Variants in CD99 observed in about 807,000 individuals in gnomAD.
The protein encoded by CD99 is CD99 molecule (Xg blood group).
A neutral mutation model predicts 28.4 loss-of-function variants in CD99; 19 were observed. That is an observed-to-expected ratio of 0.67 (90% CI 0.47 to 0.98). The LOEUF is 0.98. Among genes scored for constraint, CD99 ranks in the 50% least tolerant of loss-of-function variants. The pLI, the probability that CD99 is intolerant of heterozygous loss-of-function variation, is 0.00. For synonymous variants in CD99, 103 were observed against 92.1 expected, an observed-to-expected ratio of 1.12 and a Z score of -0.67; for missense variants, 283 against 248.8, an observed-to-expected ratio of 1.14 and a Z score of -0.92.
In CD99 at chrX:2,719,668, C is replaced by G. The variant is rs769537440; in HGVS notation, c.156C>G (p.Asp52Glu). Reference sequence around the variant, plus strand: ...CTCTTTCCCCTCTTTTAGGGGATGACTTTGACTTAGGAGATGCTGTTGTTG... The same window carrying G: ...CTCTTTCCCCTCTTTTAGGGGATGAGTTTGACTTAGGAGATGCTGTTGTTG... ...AIPKKPSAGD[D>E]FDLGDAVVDG... The change falls in exon 4 of 10, where the codon GAC becomes GAG. Residue 52 changes from aspartate to glutamate, a missense_variant. By Grantham distance (45) the Asp-to-Glu change is conservative (BLOSUM62 2). Transcript: ENST00000381192. 2.5e-6 allele frequency: 4 copies of G among 1,613,838 alleles called. No homozygotes were observed. In the South Asian group the frequency reaches 3.3e-5, roughly 13 times the overall value.
chrX:2,727,328 A>G (rs1350904038), intron 8 of CD99: 1 of 779,098 alleles, frequency 1.3e-6, no homozygotes, highest in African/African-American at 1.7e-5. Flanking sequence ...TTGTATTGGG[A>G]TCCGCCGTGA....
chrX:2,718,870 G>T (rs1468270625), intron 3 of CD99, among the ~76,000 whole-genome samples: 3 of 152,056 alleles, frequency 2.0e-5, no homozygotes, highest in Non-Finnish European at 4.4e-5. Context: ...TTCATTATTG[G>T]GCTTCCTGTC....
At chrX:2,696,982 C>T (rs1425514406) in intron 1 of CD99, among the ~76,000 whole-genome samples, 1 of 152,114 alleles carries the variant, frequency 6.6e-6, no homozygotes, top group Non-Finnish European at 1.5e-5. Flanking sequence ...TTCTTCTCCC[C>T]CAGAGTCAGA....
chrX:2,731,874 A>G (rs886443821), intron 8 of CD99, among the ~76,000 whole-genome samples: 5 of 151,992 alleles, frequency 3.3e-5, no homozygotes, highest in African/African-American at 9.7e-5. Flanking sequence ...GTGGAATCAG[A>G]TGGCTCTGTC....
At chrX:2,724,823 G>A (rs376289566) in intron 7 of CD99, among the ~76,000 whole-genome samples, 24 of 151,974 alleles carry the variant, frequency 1.6e-4, no homozygotes, top group South Asian at 2.1e-4. Context: ...GCTTGAACCC[G>A]GGAAGCAGAG....
intron 1 of CD99, among the ~76,000 whole-genome samples, chrX:2,702,028 T>G (rs1266420779): frequency 7.9e-5 from 12 of 152,100 alleles, no homozygotes; most frequent in Non-Finnish European, 1.6e-4. Context: ...CATCAGGACT[T>G]AGGAAAACCC....
chrX:2,703,605 A>AGTGTGTGTGTGTGT lies in CD99; in HGVS notation c.68-10784_68-10771dup, dbSNP rs556444956. On this transcript the variant is annotated intron_variant, in intron 1 of 9. Transcript: ENST00000381192. ...CTGTAATTAACAAACCGAGCTGTTA[A>AGTGTGTGTGTGTGT]GTGTGTGTGTGTGTGTGTGTGTGTG... Among the ~76,000 whole-genome samples the AGTGTGTGTGTGTGT allele has an allele frequency of 5.6e-3, 770 of 138,470 alleles. 9 individuals are homozygous for AGTGTGTGTGTGTGT. Among genetic ancestry groups the AGTGTGTGTGTGTGT allele is most frequent in the African/African-American group, 0.019 (694 of 37,342 alleles). 90.8% of individuals were successfully genotyped at this position (138,470 alleles called of 152,430 possible). A position where few individuals can be genotyped will look rare whatever the true frequency, so the allele number is the denominator to read the frequency against.
intron 1 of CD99, among the ~76,000 whole-genome samples, chrX:2,709,485 G>A (rs1219057820): frequency 6.6e-6 from 1 of 152,216 alleles, no homozygotes; most frequent in African/African-American, 2.4e-5. Flanking sequence ...GCAAACAGGT[G>A]TGCATTCAGC....
At chrX:2,715,930 C>G (rs995487372) in intron 2 of CD99, among the ~76,000 whole-genome samples, 1 of 152,238 alleles carries the variant, frequency 6.6e-6, no homozygotes, top group African/African-American at 2.4e-5. Context: ...CTGCAAAGAC[C>G]CTGTTTCCAA....
At chrX:2,705,486 A>G (rs865954528) in intron 1 of CD99, among the ~76,000 whole-genome samples, 79 of 152,358 alleles carry the variant, frequency 5.2e-4, no homozygotes, top group African/African-American at 1.9e-3. Flanking sequence ...TGACAAATAC[A>G]CATTGTATGT....
At chrX:2,732,963 C>T (rs1431447427) in intron 8 of CD99, among the ~76,000 whole-genome samples, 1 of 148,146 alleles carries the variant, frequency 6.8e-6, no homozygotes, top group Non-Finnish European at 1.5e-5. Context: ...CCCTCCCTCC[C>T]TCATTTCCTT....
chrX:2,720,496 G>C (rs1324419779), intron 5 of CD99, 72 bp downstream of exon 5: 3 of 1,444,522 alleles, frequency 2.1e-6, no homozygotes, highest in Non-Finnish European at 2.9e-6. Flanking sequence ...CAGCTGAGAG[G>C]AGGTGATTTC....
chrX:2,717,591 T>A lies in CD99; in HGVS notation c.101-14T>A. On this transcript the variant is annotated splice_polypyrimidine_tract_variant and intron_variant, in intron 2 of 9. Transcript: ENST00000381192. ...GCTGCAACTTTTACTAACTGAAATA[T>A]CTTATCTCTTTAGACAATGAAAACA... is the stretch of plus-strand genomic sequence containing the variant. 1 of 1,610,550 alleles carries A rather than the reference T, an allele frequency of 6.2e-7. No homozygotes were observed. The highest frequency in any genetic ancestry group is 8.5e-7 in the Non-Finnish European group (1 of 1,176,734).
chrX:2,715,954 T>C (rs2048687290), intron 2 of CD99, among the ~76,000 whole-genome samples: 1 of 152,132 alleles, frequency 6.6e-6, no homozygotes, highest in Non-Finnish European at 1.5e-5. Context: ...AGATCACCTA[T>C]TGAGGTTTGG....
At chrX:2,725,908 C>T (rs2049257041) in intron 7 of CD99, among the ~76,000 whole-genome samples, 1 of 152,162 alleles carries the variant, frequency 6.6e-6, no homozygotes, top group Non-Finnish European at 1.5e-5. Flanking sequence ...CCACCACGCC[C>T]AGCCCCAGCT....
chrX:2,716,176 G>T (rs939983809), intron 2 of CD99, among the ~76,000 whole-genome samples: 14 of 151,922 alleles, frequency 9.2e-5, no homozygotes, highest in African/African-American at 3.4e-4. Flanking sequence ...GCACCACCAT[G>T]CCTAGCTAGT....
At chrX:2,728,384 T>G (rs2049409007) in intron 8 of CD99, among the ~76,000 whole-genome samples, 1 of 151,740 alleles carries the variant, frequency 6.6e-6, no homozygotes, top group African/African-American at 2.4e-5. Flanking sequence ...TTAGTAGAGA[T>G]GGAGTTTCGT....
At chrX:2,709,323 C>T (rs1393295985) in intron 1 of CD99, among the ~76,000 whole-genome samples, 1 of 146,860 alleles carries the variant, frequency 6.8e-6, no homozygotes, top group Non-Finnish European at 1.5e-5. Flanking sequence ...CATACTCCTG[C>T]AGTGCACATG....
In CD99 at chrX:2,740,734, C is replaced by A. The variant is rs780273549; in HGVS notation, c.533-45C>A. The A allele has an allele frequency of 1.1e-4, 181 of 1,607,392 alleles. 3 individuals are homozygous for A. The East Asian group carries it at 4.0e-3, about 35-fold the overall frequency. Reference sequence around the variant, plus strand: ...TGTAGGAACTGTGTCCACGTGAGTGCTCAGGGACCTGGGAATGACTTTCTT... The same window carrying A: ...TGTAGGAACTGTGTCCACGTGAGTGATCAGGGACCTGGGAATGACTTTCTT... On this transcript the variant is annotated intron_variant, in intron 9 of 9. Coordinates refer to ENST00000381192, the MANE Select transcript of CD99 (RefSeq NM_002414.5).
Sources: allele counts gnomAD v4.1 joint callset (sites outside exome capture counted in the v4.1 genomes callset), GRCh38; gene constraint gnomAD v4.1.1; transcripts MANE v1.5; gene names NCBI Gene and HGNC (gene_info 2026-07-23, HGNC 2026-07-21).